Variants in CYP2C19 observed in about 807,000 individuals in gnomAD.
CYP2C19 encodes the protein cytochrome P450 family 2 subfamily C member 19.
CYP2C19 carries 59 observed loss-of-function variants against 40.9 expected under a neutral mutation model. The ratio of observed to expected loss-of-function variants is 1.44; its 90% CI spans 1.17 to 1.79. The LOEUF (loss-of-function observed/expected upper bound fraction) is 1.79, where lower values mean the gene tolerates loss of function less well. Ranked by LOEUF, CYP2C19 falls within the 40% of genes most tolerant of loss-of-function variation. The probability of loss-of-function intolerance (pLI) is 0.00; values close to 1 mark genes in which losing one functional copy is unlikely to be tolerated. For synonymous variants in CYP2C19, 253 were observed against 208.7 expected, an observed-to-expected ratio of 1.21 and a Z score of -1.83; for missense variants, 754 against 596.9, an observed-to-expected ratio of 1.26 and a Z score of -2.74.
rs1180896924 is a variant in CYP2C19, at chr10:94,782,035, G to T, written c.819+38G>T. On this transcript the variant is annotated intron_variant, in intron 5 of 8. Coordinates refer to ENST00000371321, the MANE Select transcript of CYP2C19 (RefSeq NM_000769.4). ...CAAAAGCTTAGTTATGTGACTGCTT[G>T]CGTATTTGTGATTCATTGACTAGTT... 3.4e-6 allele frequency: 5 copies of T among 1,486,388 alleles called. No homozygotes were observed. In the South Asian group the frequency reaches 4.2e-5, roughly 12 times the overall value. The allele number at this position is 1,486,388 out of a possible 1,614,324, so 92.1% of individuals were successfully genotyped here.
At position 94,854,185 on chromosome 10, in the gene CYP2C19, A is replaced by G. The variant is rs1849698919; in HGVS notation, c.*1271A>G. On this transcript the variant is annotated 3_prime_UTR_variant, in exon 9 of 9. Coordinates refer to ENST00000371321, the MANE Select transcript of CYP2C19 (RefSeq NM_000769.4). Reference sequence around the variant, plus strand: ...AGGTGCCTACCACCACACCAGGCTAATTTTTGTATTTTTAGTAGAGACAGG... The same window carrying G: ...AGGTGCCTACCACCACACCAGGCTAGTTTTTGTATTTTTAGTAGAGACAGG... 6.6e-6 allele frequency among the ~76,000 whole-genome samples: 1 copy of G among 151,564 alleles called. No individual in the cohort carries two copies. Among genetic ancestry groups the G allele is most frequent in the Non-Finnish European group, 1.5e-5 (1 of 67,892 alleles).
chr10:94,818,797 CGATGGG>C (rs1849059312), intron 5 of CYP2C19, among the ~76,000 whole-genome samples: 1 of 150,668 alleles, frequency 6.6e-6, no homozygotes, highest in Non-Finnish European at 1.5e-5. Context: ...TGGGCTGAGA[CGATGGG>C]GTTTTCTAGA....
chr10:94,783,731 AAGG>A (rs959073085), intron 5 of CYP2C19, among the ~76,000 whole-genome samples: 5 of 152,136 alleles, frequency 3.3e-5, no homozygotes, highest in African/African-American at 1.2e-4. Context: ...TTATTAAATC[AAGG>A]AGTGTGAGTC....
chr10:94,780,759 A>G, intron 4 of CYP2C19, 100 bp downstream of exon 4: 1 of 1,332,006 alleles, frequency 7.5e-7, no homozygotes, highest in South Asian at 1.3e-5. Context: ...ACATTTTTGA[A>G]TACTACAGTC....
chr10:94,822,328 G>A (rs1302446091), intron 6 of CYP2C19, among the ~76,000 whole-genome samples: 7 of 152,068 alleles, frequency 4.6e-5, no homozygotes, highest in Admixed American at 4.6e-4. Context: ...GGAACACCCT[G>A]CCCCCATGAT....
In CYP2C19 at chr10:94,818,227, C is replaced by A. The variant is rs1395191379; in HGVS notation, c.820-2269C>A. On this transcript the variant is annotated intron_variant, in intron 5 of 8. Coordinates refer to ENST00000371321, the MANE Select transcript of CYP2C19 (RefSeq NM_000769.4). Reference sequence around the variant, plus strand: ...GTATGCGGCGTTATTTCTGAGGGCTCTGTTCTGTTCCATTGATCTATATCT... The same window carrying A: ...GTATGCGGCGTTATTTCTGAGGGCTATGTTCTGTTCCATTGATCTATATCT... 2.0e-4 allele frequency among the ~76,000 whole-genome samples: 29 copies of A among 145,670 alleles called. 1 individual carries two copies. In the South Asian group the frequency reaches 3.2e-3, roughly 16 times the overall value.
chr10:94,841,927 GA>G (rs1462878185), intron 6 of CYP2C19, among the ~76,000 whole-genome samples: 2 of 152,144 alleles, frequency 1.3e-5, no homozygotes, highest in Non-Finnish European at 2.9e-5. Flanking sequence ...GTCAATTCTT[GA>G]TAACAATCCA....
chr10:94,826,906 A>C (rs1469603057), intron 6 of CYP2C19, among the ~76,000 whole-genome samples: 1 of 151,862 alleles, frequency 6.6e-6, no homozygotes, highest in Admixed American at 6.6e-5. Flanking sequence ...TTCTGCATGT[A>C]GTATTGAGAT....
intron 5 of CYP2C19, among the ~76,000 whole-genome samples, chr10:94,798,357 A>C (rs1304610892): frequency 2.0e-5 from 3 of 152,108 alleles, no homozygotes; most frequent in Non-Finnish European, 4.4e-5. Flanking sequence ...TCTGAGAGAC[A>C]GTTTGTTATA....
chr10:94,835,218 A>G (rs904912175), intron 6 of CYP2C19, among the ~76,000 whole-genome samples: 6 of 152,178 alleles, frequency 3.9e-5, no homozygotes, highest in Admixed American at 1.3e-4. Flanking sequence ...CCTTTGACAC[A>G]CTTCACAGGC....
intron 7 of CYP2C19, among the ~76,000 whole-genome samples, 160 bp downstream of exon 7, chr10:94,843,184 G>T (rs185094926): frequency 1.5e-3 from 228 of 152,324 alleles, no homozygotes; most frequent in Non-Finnish European, 2.7e-3. Context: ...GGACTATAAA[G>T]ATTTGTAACA....
At chr10:94,811,106 G>A (rs1023591715) in intron 5 of CYP2C19, among the ~76,000 whole-genome samples, 6 of 152,194 alleles carry the variant, frequency 3.9e-5, no homozygotes, top group African/African-American at 1.4e-4. Flanking sequence ...TGGTTTCAAA[G>A]AACATCTTTA....
chr10:94,790,999 G>T (rs554446456), intron 5 of CYP2C19, among the ~76,000 whole-genome samples: 1 of 152,064 alleles, frequency 6.6e-6, no homozygotes, highest in African/African-American at 2.4e-5. Context: ...TCTGGTTCTG[G>T]ACTTTTTTTG....
At chr10:94,803,716 G>A (rs1848796627) in intron 5 of CYP2C19, among the ~76,000 whole-genome samples, 2 of 152,180 alleles carry the variant, frequency 1.3e-5, no homozygotes, top group African/African-American at 2.4e-5. Context: ...GTAAGGGAGG[G>A]GAGAGTTGGT....
chr10:94,813,100 A>G (rs1439444606), intron 5 of CYP2C19, among the ~76,000 whole-genome samples: 1 of 150,978 alleles, frequency 6.6e-6, no homozygotes, highest in Non-Finnish European at 1.5e-5. Context: ...TCTGTTTGCT[A>G]GTTTTTTTCC....
chr10:94,812,246 T>C (rs1564672965), intron 5 of CYP2C19, among the ~76,000 whole-genome samples: 1 of 152,218 alleles, frequency 6.6e-6, no homozygotes, highest in African/African-American at 2.4e-5. Flanking sequence ...AGAGATATGC[T>C]GTTAGTCTGA....
At chr10:94,817,265 G>A (rs954788314) in intron 5 of CYP2C19, among the ~76,000 whole-genome samples, 11 of 149,840 alleles carry the variant, frequency 7.3e-5, no homozygotes, top group Non-Finnish European at 1.0e-4. Flanking sequence ...TTTAATGATT[G>A]CCATTCTAAC....
rs574541181 is a variant in CYP2C19, at chr10:94,826,381, G to T, written c.961+5744G>T. Among the ~76,000 whole-genome samples, 418 of 152,186 alleles carry T rather than the reference G, an allele frequency of 2.7e-3. 1 individual carries two copies. The highest frequency in any genetic ancestry group is 9.5e-3 in the African/African-American group (392 of 41,478). On this transcript the variant is annotated intron_variant, in intron 6 of 8. Coordinates refer to ENST00000371321, the MANE Select transcript of CYP2C19 (RefSeq NM_000769.4). ...CTTGAAGAGGTCCTTCACATCCCTT[G>T]TAAGTTGGATTCCTAGGTATTTTAT...
intron 5 of CYP2C19, among the ~76,000 whole-genome samples, chr10:94,795,984 C>T (rs1047490743): frequency 6.6e-6 from 1 of 152,106 alleles, no homozygotes; most frequent in African/African-American, 2.4e-5. Flanking sequence ...TTTTGCTGTG[C>T]AGAATCTCTT....
Sources: allele counts gnomAD v4.1 joint callset (sites outside exome capture counted in the v4.1 genomes callset), GRCh38; gene constraint gnomAD v4.1.1; transcripts MANE v1.5; gene names NCBI Gene and HGNC (gene_info 2026-07-23, HGNC 2026-07-21).